The following RBPJ variants were observed in gnomAD, a reference collection of about 807,000 sequenced individuals.
RBPJ encodes the protein recombination signal binding protein for immunoglobulin kappa J region, also known as recombining binding protein suppressor of hairless.
In RBPJ, 9 loss-of-function variants were observed where a neutral mutation model predicts 67.8. The observed-to-expected ratio is 0.13, with a 90% CI of 0.08 to 0.23. RBPJ has a LOEUF of 0.23. Among genes scored for constraint, RBPJ ranks in the 10% least tolerant of loss-of-function variants. The pLI is 1.00. For synonymous variants in RBPJ, 198 were observed against 203.3 expected (o/e 0.97, Z 0.22); for missense variants, 305 against 595.6 (o/e 0.51, Z 5.08).
At chr4:26,255,924 A>T (rs1324756892) in intron 1 of RBPJ, among the ~76,000 whole-genome samples, 2 of 151,952 alleles carry the variant, frequency 1.3e-5, no homozygotes, top group Non-Finnish European at 2.9e-5. Context: ...AGTATTCCTT[A>T]TGAATAACCA....
At chr4:26,179,936 A>G (rs1182856274) in intron 1 of RBPJ, among the ~76,000 whole-genome samples, 1 of 152,232 alleles carries the variant, frequency 6.6e-6, no homozygotes, top group African/African-American at 2.4e-5. Flanking sequence ...ATGTCCATCA[A>G]CTACAGACTG....
At chr4:26,362,509 C>T (rs2109503444) in intron 1 of RBPJ, 3 of 1,554,182 alleles carry the variant, frequency 1.9e-6, no homozygotes, top group Non-Finnish European at 2.6e-6. Flanking sequence ...CCATTATGAT[C>T]TCAAAACGAA....
At chr4:26,426,498 A>G (rs898289636) in intron 7 of RBPJ, among the ~76,000 whole-genome samples, 5 of 152,268 alleles carry the variant, frequency 3.3e-5, no homozygotes, top group Non-Finnish European at 7.3e-5. Context: ...ACGCTGATAC[A>G]TAAATCTTTC....
At chr4:26,313,620 A>G (rs1722509103) in intron 1 of RBPJ, among the ~76,000 whole-genome samples, 1 of 152,094 alleles carries the variant, frequency 6.6e-6, no homozygotes, top group Admixed American at 6.6e-5. Flanking sequence ...CAGTGAGCCA[A>G]GATCATGCCA....
At chr4:26,407,215 G>C (rs1733509564) in intron 3 of RBPJ, among the ~76,000 whole-genome samples, 1 of 152,146 alleles carries the variant, frequency 6.6e-6, no homozygotes, top group Non-Finnish European at 1.5e-5. Context: ...CAAAGGAAAA[G>C]GCTGAATAAG....
At chr4:26,420,381 C>G (rs184731848) in intron 4 of RBPJ, among the ~76,000 whole-genome samples, 170 bp from the exon 5 acceptor site, 127 of 152,136 alleles carry the variant, frequency 8.3e-4, no homozygotes, top group Non-Finnish European at 1.3e-3. Flanking sequence ...TTGTACTTTT[C>G]CGAAATCAAT....
intron 1 of RBPJ, among the ~76,000 whole-genome samples, chr4:26,324,281 T>A (rs930084368): frequency 1.3e-5 from 2 of 152,178 alleles, no homozygotes; most frequent in African/African-American, 2.4e-5. Context: ...TGGGATTTTT[T>A]AAAATCCCAA....
chr4:26,275,047 GGGA>G, intron 1 of RBPJ, among the ~76,000 whole-genome samples: 26 of 152,336 alleles, frequency 1.7e-4, no homozygotes, highest in African/African-American at 6.0e-4. Flanking sequence ...TAGCATTCAT[GGGA>G]TAGGGAGATG....
chr4:26,342,106 G>A (rs1318635607), intron 1 of RBPJ, among the ~76,000 whole-genome samples: 1 of 152,170 alleles, frequency 6.6e-6, no homozygotes, highest in African/African-American at 2.4e-5. Flanking sequence ...AAGGTCTGCA[G>A]TGGAACTCCA....
chr4:26,335,919 G>T (rs180749848), intron 1 of RBPJ, among the ~76,000 whole-genome samples: 1 of 152,050 alleles, frequency 6.6e-6, no homozygotes, highest in Non-Finnish European at 1.5e-5. Context: ...CACCACGCCC[G>T]GCAATGCTTA....
In RBPJ at chr4:26,375,165, A is replaced by G. The variant is rs544029869; in HGVS notation, c.21-11188A>G. Among the ~76,000 whole-genome samples, 7 of 151,988 alleles carry G rather than the reference A, an allele frequency of 4.6e-5. No homozygotes were observed. The South Asian group carries it at 8.3e-4, about 18-fold the overall frequency. On this transcript the variant is annotated intron_variant, in intron 1 of 10. Transcript: ENST00000355476. The stretch of plus-strand genomic sequence containing the variant: ...AAAAAAATACAAAAATTAGGTGGCC[A>G]TGGTGGCTCGCACCTGTGGTCCTAG...
At chr4:26,231,689 G>A (rs1394284543) in intron 1 of RBPJ, among the ~76,000 whole-genome samples, 1 of 151,706 alleles carries the variant, frequency 6.6e-6, no homozygotes, top group East Asian at 1.9e-4. Context: ...TGGGATTACA[G>A]GCATGAGCCA....
chr4:26,413,975 G>A (rs778681789), intron 3 of RBPJ, among the ~76,000 whole-genome samples: 20 of 152,154 alleles, frequency 1.3e-4, no homozygotes, highest in Non-Finnish European at 1.8e-4. Context: ...GTTCAGCCAC[G>A]TGAGTGTGAG....
In RBPJ at chr4:26,354,749, G is replaced by A. The variant is rs369676580; in HGVS notation, c.21-31604G>A. Among the ~76,000 whole-genome samples the A allele has an allele frequency of 3.3e-5, 5 of 152,042 alleles. No individual in the cohort carries two copies. In the South Asian group the frequency reaches 6.2e-4, roughly 19 times the overall value. On this transcript the variant is annotated intron_variant, in intron 1 of 10. Coordinates refer to ENST00000355476, the MANE Select transcript of RBPJ (RefSeq NM_015874.6). Reference sequence around the variant, plus strand: ...ACAGGCATGAGCCACATGCCTGGCCGGCAAAGAGATTTTACGTGGGAAACT... The same window carrying A: ...ACAGGCATGAGCCACATGCCTGGCCAGCAAAGAGATTTTACGTGGGAAACT...
At chr4:26,354,425 T>C (rs2109460138) in intron 1 of RBPJ, among the ~76,000 whole-genome samples, 1 of 151,528 alleles carries the variant, frequency 6.6e-6, no homozygotes, top group African/African-American at 2.4e-5. Flanking sequence ...CAATTTGTAT[T>C]TTTATTTATT....
intron 2 of RBPJ, among the ~76,000 whole-genome samples, chr4:26,403,232 ATT>A (rs11288388): frequency 1.1e-3 from 161 of 145,250 alleles, no homozygotes; most frequent in African/African-American, 2.1e-3. Flanking sequence ...AAAGGGATGG[ATT>A]TTTTTTTTTT....
chr4:26,190,781 C>T (rs1181989999), intron 1 of RBPJ, among the ~76,000 whole-genome samples: 1 of 152,072 alleles, frequency 6.6e-6, no homozygotes, highest in Non-Finnish European at 1.5e-5. Context: ...GCCTGTTGCA[C>T]TGAGAAATGA....
At chr4:26,331,392 T>G (rs548450555) in intron 1 of RBPJ, among the ~76,000 whole-genome samples, 5 of 139,614 alleles carry the variant, frequency 3.6e-5, no homozygotes, top group East Asian at 2.0e-4. Context: ...CAACGTTATG[T>G]TTTTTTTTTT....
At chr4:26,292,844 T>C (rs890629326) in intron 1 of RBPJ, among the ~76,000 whole-genome samples, 1 of 150,718 alleles carries the variant, frequency 6.6e-6, no homozygotes, top group Non-Finnish European at 1.5e-5. Context: ...TGTATCACAA[T>C]TTTTTAATCC....
Sources: gnomAD v4.1 joint callset for allele counts (sites outside exome capture counted in the v4.1 genomes callset) on GRCh38, gnomAD v4.1.1 for gene constraint, MANE v1.5 for transcripts, NCBI Gene and HGNC (gene_info 2026-07-23, HGNC 2026-07-21) for gene names.